MYBL1: variants seen among roughly 807,000 people sequenced by gnomAD.
MYBL1 encodes myb-related protein A.
Under a neutral mutation model 96.3 loss-of-function variants are expected in MYBL1, and 17 were observed. That is an observed-to-expected ratio of 0.18 (90% CI 0.12 to 0.26). The LOEUF is 0.26. Among genes scored for constraint, MYBL1 ranks in the 10% least tolerant of loss-of-function variants. The pLI is 1.00. For missense variants in MYBL1, 701 were observed against 882.9 expected (o/e 0.79, Z 2.61); for synonymous variants, 282 against 292.7 (o/e 0.96, Z 0.37).
At chr8:66,567,761 T>C (rs1244906958) in intron 12 of MYBL1, among the ~76,000 whole-genome samples, 1 of 152,038 alleles carries the variant, frequency 6.6e-6, no homozygotes, top group Non-Finnish European at 1.5e-5. Context: ...ATAAAAGAAC[T>C]GGCAGCACTT....
At chr8:66,582,438 C>G (rs568872623) in intron 8 of MYBL1, among the ~76,000 whole-genome samples, 2 of 147,884 alleles carry the variant, frequency 1.4e-5, no homozygotes, top group South Asian at 4.2e-4. Flanking sequence ...TAAAAAGAAG[C>G]TGGGCATGGT....
At chr8:66,581,725 T>C (rs559198380) in intron 8 of MYBL1, among the ~76,000 whole-genome samples, 29 of 152,144 alleles carry the variant, frequency 1.9e-4, no homozygotes, top group African/African-American at 6.5e-4. Context: ...ACATCCCATA[T>C]ATGGAAATCT....
intron 1 of MYBL1, among the ~76,000 whole-genome samples, chr8:66,609,674 C>T (rs1236072334): frequency 6.6e-6 from 1 of 151,882 alleles, no homozygotes; most frequent in Non-Finnish European, 1.5e-5. Context: ...CTAGTAATTC[C>T]ATAAACAAAA....
chr8:66,600,555 T>C (rs1203538987), intron 3 of MYBL1, among the ~76,000 whole-genome samples: 1 of 152,196 alleles, frequency 6.6e-6, no homozygotes, highest in East Asian at 1.9e-4. Context: ...AAACATCCTA[T>C]ATGTTATTTC....
rs758475071 is a variant in MYBL1 at position 66,563,486 on chromosome 8, T to C, written c.*1211A>G. 6.6e-6 allele frequency: 1 copy of C among 152,604 alleles called. No homozygotes were observed. The highest frequency in any genetic ancestry group is 1.5e-5 in the Non-Finnish European group (1 of 68,022). 9.5% of individuals were successfully genotyped at this position (152,604 alleles called of 1,614,324 possible). A position where few individuals can be genotyped will look rare whatever the true frequency, so the allele number is the denominator to read the frequency against. ...GGCAACTGAAGCAACTGTTGTAACC[T>C]GTAGAGAAACACAAAACATTTAAAA... On this transcript the variant is annotated 3_prime_UTR_variant, in exon 16 of 16. Coordinates refer to ENST00000522677, the MANE Select transcript of MYBL1 (RefSeq NM_001080416.4).
chr8:66,593,100 T>C lies in MYBL1; in HGVS notation c.762+20A>G, dbSNP rs186330294. 62 of 1,489,216 alleles carry C rather than the reference T, an allele frequency of 4.2e-5. No homozygotes were observed. In the African/African-American group the frequency reaches 7.8e-4, roughly 19 times the overall value. 92.3% of individuals were successfully genotyped at this position (1,489,216 alleles called of 1,614,324 possible). On this transcript the variant is annotated intron_variant, in intron 7 of 15. Coordinates refer to ENST00000522677, the MANE Select transcript of MYBL1 (RefSeq NM_001080416.4). ...TGACTGAACACATTTCCTTTGGTTT[T>C]CGTTATAAATAAAAGTTACCTGAAT...
intron 4 of MYBL1, among the ~76,000 whole-genome samples, chr8:66,598,303 C>G (rs1487933518): frequency 3.3e-5 from 5 of 152,136 alleles, no homozygotes; most frequent in Non-Finnish European, 7.4e-5. Flanking sequence ...GATGGCTCAG[C>G]CTCTAATCCC....
intron 1 of MYBL1, among the ~76,000 whole-genome samples, chr8:66,605,374 T>C (rs953959134): frequency 3.9e-5 from 6 of 152,018 alleles, no homozygotes; most frequent in Admixed American, 2.6e-4. Context: ...TTGGCCAGCA[T>C]ACAAAGAATA....
intron 15 of MYBL1, chr8:66,565,158 A>G (rs1454466558): frequency 6.5e-6 from 1 of 155,004 alleles, no homozygotes; most frequent in Non-Finnish European, 1.4e-5. Flanking sequence ...ATTGCTTCAA[A>G]ATTTTGCAAA....
intron 10 of MYBL1, among the ~76,000 whole-genome samples, chr8:66,574,958 C>G (rs571265279): frequency 6.0e-4 from 91 of 152,082 alleles, no homozygotes; most frequent in African/African-American, 2.1e-3. Context: ...GGAGGCTGAG[C>G]CAGGAGAATC....
intron 1 of MYBL1, among the ~76,000 whole-genome samples, chr8:66,610,768 A>G (rs945163604): frequency 6.6e-6 from 1 of 152,140 alleles, no homozygotes; most frequent in African/African-American, 2.4e-5. Context: ...AAGAAATGTA[A>G]TTCAGAGTAT....
At chr8:66,610,812 C>T (rs1426309373) in intron 1 of MYBL1, among the ~76,000 whole-genome samples, 1 of 152,070 alleles carries the variant, frequency 6.6e-6, no homozygotes, top group Non-Finnish European at 1.5e-5. Flanking sequence ...TTAAGAGATA[C>T]ATCATTCAGA....
At chr8:66,605,570 C>G (rs1810279809) in intron 1 of MYBL1, among the ~76,000 whole-genome samples, 1 of 152,172 alleles carries the variant, frequency 6.6e-6, no homozygotes, top group Non-Finnish European at 1.5e-5. Flanking sequence ...CCTGTAATCC[C>G]AGCACTTTGG....
intron 1 of MYBL1, among the ~76,000 whole-genome samples, chr8:66,608,239 C>T (rs1392266635): frequency 6.6e-6 from 1 of 152,122 alleles, no homozygotes; most frequent in Non-Finnish European, 1.5e-5. Context: ...TCTATTTCTA[C>T]ATGAGGTTTC....
intron 5 of MYBL1, among the ~76,000 whole-genome samples, 159 bp from the exon 6 acceptor site, chr8:66,595,916 T>C (rs1809832903): frequency 6.6e-6 from 1 of 152,188 alleles, no homozygotes; most frequent in Non-Finnish European, 1.5e-5. Context: ...GGAAGATAGG[T>C]ATTTTTTAAA....
At chr8:66,576,613 CT>C (rs1808960026) in intron 9 of MYBL1, among the ~76,000 whole-genome samples, 1 of 152,012 alleles carries the variant, frequency 6.6e-6, no homozygotes, top group South Asian at 2.1e-4. Flanking sequence ...TGTCAAAGTA[CT>C]TTAAGAACAA....
At chr8:66,575,953 A>G in intron 10 of MYBL1, 54 bp downstream of exon 10, 1 of 1,538,770 alleles carries the variant, frequency 6.5e-7, no homozygotes, top group South Asian at 1.3e-5. Flanking sequence ...TTAAAGATCT[A>G]ATTTAATGTA....
intron 1 of MYBL1, among the ~76,000 whole-genome samples, chr8:66,604,390 G>A (rs559613058): frequency 2.0e-5 from 3 of 152,146 alleles, no homozygotes; most frequent in East Asian, 1.9e-4. Flanking sequence ...GGGTGTGGTG[G>A]TATGTGCCTG....
At position 66,609,624 on chromosome 8, in the gene MYBL1, C is replaced by T. The variant is rs1312787137; in HGVS notation, c.20+3195G>A. Among the ~76,000 whole-genome samples, 3 of 151,974 alleles carry T rather than the reference C, an allele frequency of 2.0e-5. No individual in the cohort carries two copies. The East Asian group carries it at 5.8e-4, about 29-fold the overall frequency. On this transcript the variant is annotated intron_variant, in intron 1 of 15. Coordinates refer to ENST00000522677, the MANE Select transcript of MYBL1 (RefSeq NM_001080416.4). The stretch of plus-strand genomic sequence containing the variant: ...TATAGTAAGACAAACTTTACAAAAC[C>T]TTTGATCATTATTAACAGCAATATT...
Sources: gnomAD v4.1 joint callset for allele counts (sites outside exome capture counted in the v4.1 genomes callset) on GRCh38, gnomAD v4.1.1 for gene constraint, MANE v1.5 for transcripts, NCBI Gene and HGNC (gene_info 2026-07-23, HGNC 2026-07-21) for gene names.